ATP8A2: variants seen among roughly 807,000 people sequenced by gnomAD.
ATP8A2 encodes the protein ATPase phospholipid transporting 8A2.
In ATP8A2, 100 loss-of-function variants were observed where a neutral mutation model predicts 165.6. The ratio of observed to expected loss-of-function variants is 0.60; its 90% CI spans 0.51 to 0.71. The LOEUF is 0.71. ATP8A2 is among the 30% of genes least tolerant of loss of function. The pLI, the probability that ATP8A2 is intolerant of heterozygous loss-of-function variation, is 0.00. For missense variants in ATP8A2, 1,227 were observed against 1,479.5 expected, an observed-to-expected ratio of 0.83 and a Z score of 2.80; for synonymous variants, 543 against 548.8, an observed-to-expected ratio of 0.99 and a Z score of 0.15.
At chr13:25,606,214 A>C (rs2040512704) in intron 24 of ATP8A2, among the ~76,000 whole-genome samples, 1 of 152,202 alleles carries the variant, frequency 6.6e-6, no homozygotes, top group African/African-American at 2.4e-5. Context: ...TCATAACCTG[A>C]AACACTGATG....
chr13:25,679,779 T>C (rs1437574818), intron 24 of ATP8A2, among the ~76,000 whole-genome samples: 1 of 152,180 alleles, frequency 6.6e-6, no homozygotes, highest in Non-Finnish European at 1.5e-5. Context: ...CATTCCAGGT[T>C]AGTGACATGA....
chr13:25,470,461 C>T (rs1247962658), intron 2 of ATP8A2, among the ~76,000 whole-genome samples: 1 of 152,128 alleles, frequency 6.6e-6, no homozygotes, highest in Non-Finnish European at 1.5e-5. Context: ...AACTTGGTAT[C>T]CTCATGCATT....
chr13:25,940,509 A>T (rs1955041322), intron 33 of ATP8A2, among the ~76,000 whole-genome samples: 1 of 151,486 alleles, frequency 6.6e-6, no homozygotes, highest in Non-Finnish European at 1.5e-5. Flanking sequence ...CTCCACACTG[A>T]CTCATGCATA....
rs945193129 is a variant in ATP8A2 at position 25,469,463 on chromosome 13, T to C, written c.221+342T>C. Among the ~76,000 whole-genome samples, 25 of 152,376 alleles carry C rather than the reference T, an allele frequency of 1.6e-4. 1 individual carries two copies. The highest frequency in any genetic ancestry group is 3.9e-4 in the Admixed American group (6 of 15,314). ...CTCGGAACCCCTTCTAGCCTTGTTT[T>C]AAGCCAGTTGATAGCCTTCTTTAGC... On this transcript the variant is annotated intron_variant, in intron 2 of 36. Coordinates refer to ENST00000381655, the MANE Select transcript of ATP8A2 (RefSeq NM_016529.6).
chr13:26,019,172 T>A lies in ATP8A2; in HGVS notation c.3470-716T>A, dbSNP rs181304694. 3.4e-4 allele frequency among the ~76,000 whole-genome samples: 51 copies of A among 152,234 alleles called. No homozygotes were observed. In the East Asian group the frequency reaches 8.7e-3, roughly 26 times the overall value. On this transcript the variant is annotated intron_variant, in intron 36 of 36. Transcript: ENST00000381655. ...ACTTTGGGAGGCCAAGGTGGACAGA[T>A]TGCTTGAGGTCAGGAGTTTGAGACC...
chr13:25,826,408 T>C (rs566276581), intron 27 of ATP8A2, among the ~76,000 whole-genome samples: 3 of 152,258 alleles, frequency 2.0e-5, no homozygotes, highest in African/African-American at 7.2e-5. Context: ...AGCACTTGAT[T>C]TGGCATTTAA....
At chr13:25,919,888 G>A (rs989173870) in intron 33 of ATP8A2, among the ~76,000 whole-genome samples, 9 of 152,160 alleles carry the variant, frequency 5.9e-5, no homozygotes, top group Non-Finnish European at 1.2e-4. Context: ...CCACGCTCAG[G>A]CAGTGCCCCC....
chr13:25,983,724 G>A (rs1040644719), intron 35 of ATP8A2, among the ~76,000 whole-genome samples: 1 of 152,168 alleles, frequency 6.6e-6, no homozygotes, highest in African/African-American at 2.4e-5. Flanking sequence ...GCAAAAGCAT[G>A]TATCAAACCC....
chr13:25,823,615 G>A (rs1022382496), intron 27 of ATP8A2, among the ~76,000 whole-genome samples: 1 of 152,138 alleles, frequency 6.6e-6, no homozygotes, highest in East Asian at 1.9e-4. Context: ...GAAGTAGGAA[G>A]ACTTCTTGAT....
intron 33 of ATP8A2, among the ~76,000 whole-genome samples, chr13:25,941,793 G>A (rs1361479365): frequency 6.6e-6 from 1 of 152,140 alleles, no homozygotes; most frequent in African/African-American, 2.4e-5. Context: ...TGCACCAAGA[G>A]ACAAAAGTCC....
intron 2 of ATP8A2, among the ~76,000 whole-genome samples, chr13:25,477,835 G>T (rs923604813): frequency 6.6e-6 from 1 of 152,158 alleles, no homozygotes; most frequent in Non-Finnish European, 1.5e-5. Context: ...TACTCAGGAG[G>T]CTGAGGCTGG....
chr13:25,642,584 G>C (rs114046257), intron 24 of ATP8A2, among the ~76,000 whole-genome samples: 5,258 of 152,194 alleles, frequency 0.035, 158 homozygotes, highest in East Asian at 0.13. Context: ...GTTAAAAAGT[G>C]AGGAAACAAC....
chr13:25,395,568 A>C (rs546798634), intron 1 of ATP8A2, among the ~76,000 whole-genome samples: 6 of 152,332 alleles, frequency 3.9e-5, no homozygotes, highest in Admixed American at 3.3e-4. Flanking sequence ...ATGGAGAGCC[A>C]GGAAGAGAGA....
At chr13:25,441,056 T>C (rs1306214789) in intron 1 of ATP8A2, among the ~76,000 whole-genome samples, 1 of 152,214 alleles carries the variant, frequency 6.6e-6, no homozygotes, top group Non-Finnish European at 1.5e-5. Flanking sequence ...AGGAAAACTA[T>C]AAACTCCTGA....
At chr13:25,949,202 G>A (rs1468937189) in intron 33 of ATP8A2, among the ~76,000 whole-genome samples, 3 of 152,222 alleles carry the variant, frequency 2.0e-5, no homozygotes, top group Non-Finnish European at 2.9e-5. Context: ...CCAAGGCTGG[G>A]CTCTGCAGGG....
chr13:25,574,808 A>G lies in ATP8A2; in HGVS notation c.1663A>G (p.Met555Val), dbSNP rs770476415. 8.1e-5 allele frequency: 126 copies of G among 1,556,256 alleles called. No homozygotes were observed. Among genetic ancestry groups the G allele is most frequent in the Non-Finnish European group, 9.9e-5 (112 of 1,128,236 alleles). ...TAAGAGCCTATTTTTCTTCCTTTAG[A>G]TGGGACAGGAACAAACATTCGGAAT... ...RTPFSVIIEA[M>V]GQEQTFGILN... The change falls in exon 19 of 37, where the codon ATG becomes GTG. Residue 555 changes from methionine (M) to valine (V), a missense_variant and splice_region_variant. Met to Val is a conservative substitution (Grantham distance 21). Coordinates refer to ENST00000381655, the MANE Select transcript of ATP8A2 (RefSeq NM_016529.6).
At chr13:25,409,969 T>G (rs368171021) in intron 1 of ATP8A2, among the ~76,000 whole-genome samples, 2 of 151,068 alleles carry the variant, frequency 1.3e-5, no homozygotes, top group East Asian at 4.0e-4. Flanking sequence ...GAAATATGTA[T>G]GTGTATGTAT....
At chr13:25,567,482 G>C in intron 16 of ATP8A2, 1 of 439,766 alleles carries the variant, frequency 2.3e-6, no homozygotes, top group Non-Finnish European at 4.6e-6. Flanking sequence ...TAGTGGGAAA[G>C]CCATTGAGAG....
intron 2 of ATP8A2, among the ~76,000 whole-genome samples, chr13:25,527,824 A>G (rs1348938128): frequency 2.0e-5 from 3 of 152,190 alleles, no homozygotes; most frequent in African/African-American, 7.2e-5. Flanking sequence ...AAATGTTCAT[A>G]TATAGCTGGG....
Sources: allele counts gnomAD v4.1 joint callset (sites outside exome capture counted in the v4.1 genomes callset), GRCh38; gene constraint gnomAD v4.1.1; transcripts MANE v1.5; gene names NCBI Gene and HGNC (gene_info 2026-07-23, HGNC 2026-07-21).